The following MAP4K4 variants were observed in gnomAD, a reference collection of about 807,000 sequenced individuals.
MAP4K4 encodes the protein mitogen-activated protein kinase kinase kinase kinase 4.
In MAP4K4, 38 loss-of-function variants were observed where a neutral mutation model predicts 189.6. The ratio of observed to expected loss-of-function variants is 0.20; its 90% CI spans 0.15 to 0.26. The LOEUF (loss-of-function observed/expected upper bound fraction) is 0.26, where lower values mean the gene tolerates loss of function less well. Among genes scored for constraint, MAP4K4 ranks in the 10% least tolerant of loss-of-function variants. The probability of loss-of-function intolerance (pLI) is 1.00; values close to 1 mark genes in which losing one functional copy is unlikely to be tolerated. For synonymous variants in MAP4K4, 610 were observed against 624.3 expected, an observed-to-expected ratio of 0.98 and a Z score of 0.34; for missense variants, 1,054 against 1,726.9, an observed-to-expected ratio of 0.61 and a Z score of 6.91.
Position 101,789,297 on chromosome 2 carries a change from G to T in MAP4K4, c.124-1423G>T, listed in dbSNP as rs377045458. On this transcript the variant is annotated intron_variant, in intron 2 of 32. Transcript: ENST00000324219. ...TTGGGTTCAACAAAATCATCATTTG[G>T]TTTTAGGTTGTGTTGGCAGTCACAA... Among the ~76,000 whole-genome samples, 199 of 152,198 alleles carry T rather than the reference G, an allele frequency of 1.3e-3. 1 individual carries two copies. The highest frequency in any genetic ancestry group is 4.5e-3 in the African/African-American group (186 of 41,516).
At chr2:101,725,387 C>CAAAAAAAA (rs547130880) in intron 2 of MAP4K4, among the ~76,000 whole-genome samples, 7 of 110,954 alleles carry the variant, frequency 6.3e-5, no homozygotes, top group Non-Finnish European at 1.2e-4. Flanking sequence ...AAAAGATAAG[C>CAAAAAAAA]AAAAAAAAAA....
exon 33 of MAP4K4, chr2:101,891,179 C>G: frequency 1.2e-6 from 2 of 1,613,818 alleles, no homozygotes; most frequent in Non-Finnish European, 1.7e-6. Flanking sequence ...TTCTTTGCCT[C>G]TGTTCGGTCT....
In MAP4K4 at chr2:101,709,732, C is replaced by T. The variant is rs2044362577; in HGVS notation, c.123+11194C>T. 4.6e-5 allele frequency among the ~76,000 whole-genome samples: 7 copies of T among 151,952 alleles called. No individual in the cohort carries two copies. In the South Asian group the frequency reaches 1.2e-3, roughly 27 times the overall value. ...TTGTCTTGCCTGGATTTTGAAAAAACAAAGCAAAATATGTTATCTTTGGTC... is the reference window on the plus strand; with the variant it reads ...TTGTCTTGCCTGGATTTTGAAAAAATAAAGCAAAATATGTTATCTTTGGTC... On this transcript the variant is annotated intron_variant, in intron 2 of 32. Transcript: ENST00000324219.
At chr2:101,832,065 A>G (rs1289080102) in intron 7 of MAP4K4, among the ~76,000 whole-genome samples, 1 of 152,264 alleles carries the variant, frequency 6.6e-6, no homozygotes, top group African/African-American at 2.4e-5. Context: ...TCACTAAGGA[A>G]TACACTGGTT....
At chr2:101,803,472 T>G (rs1455383613) in intron 3 of MAP4K4, among the ~76,000 whole-genome samples, 1 of 152,236 alleles carries the variant, frequency 6.6e-6, no homozygotes, top group Non-Finnish European at 1.5e-5. Context: ...ACACTTAAAA[T>G]GGTGAAGTCT....
At chr2:101,720,328 C>T (rs1425107982) in intron 2 of MAP4K4, among the ~76,000 whole-genome samples, 1 of 151,900 alleles carries the variant, frequency 6.6e-6, no homozygotes, top group Non-Finnish European at 1.5e-5. Context: ...CGCCCGCCGC[C>T]ACACCTGGCT....
chr2:101,876,146 C>T (rs974727880), intron 26 of MAP4K4, among the ~76,000 whole-genome samples: 1 of 152,088 alleles, frequency 6.6e-6, no homozygotes, highest in African/African-American at 2.4e-5. Context: ...TAGAAGCAGC[C>T]AAGTCGCGAG....
chr2:101,713,063 C>G (rs1001552763), intron 2 of MAP4K4, among the ~76,000 whole-genome samples: 8 of 151,564 alleles, frequency 5.3e-5, no homozygotes, highest in African/African-American at 1.7e-4. Flanking sequence ...GCCACCACAC[C>G]TTGGCTAATT....
intron 2 of MAP4K4, among the ~76,000 whole-genome samples, chr2:101,744,751 T>C (rs776352041): frequency 6.6e-6 from 1 of 152,196 alleles, no homozygotes; most frequent in Non-Finnish European, 1.5e-5. Context: ...TGTTCTTTGC[T>C]GATCTGTTCA....
At chr2:101,819,822 A>G (rs1424811007) in intron 3 of MAP4K4, among the ~76,000 whole-genome samples, 1 of 152,200 alleles carries the variant, frequency 6.6e-6, no homozygotes. Flanking sequence ...AGTTTTGAAG[A>G]TGTTAAGAGT....
chr2:101,729,825 T>C (rs1405356942), intron 2 of MAP4K4, among the ~76,000 whole-genome samples: 1 of 152,220 alleles, frequency 6.6e-6, no homozygotes, highest in Admixed American at 6.5e-5. Flanking sequence ...ACAGCTCCTG[T>C]CTTCTCCATC....
intron 2 of MAP4K4, among the ~76,000 whole-genome samples, chr2:101,781,228 A>G (rs1479075998): frequency 2.0e-5 from 3 of 152,114 alleles, no homozygotes; most frequent in Admixed American, 2.0e-4. Flanking sequence ...ATGTTGTAGT[A>G]GCGACTGCAA....
intron 12 of MAP4K4, among the ~76,000 whole-genome samples, chr2:101,850,010 C>T (rs2097231065): frequency 2.0e-5 from 3 of 152,100 alleles, no homozygotes; most frequent in Admixed American, 1.3e-4. Flanking sequence ...AGTCTTTTAG[C>T]TGGTATTTAA....
intron 27 of MAP4K4, among the ~76,000 whole-genome samples, chr2:101,879,327 G>A (rs1441332222): frequency 1.6e-5 from 2 of 128,356 alleles, no homozygotes; most frequent in Admixed American, 1.7e-4. Flanking sequence ...AATCATAAAT[G>A]TAGTACATGT....
chr2:101,848,119 A>G (rs989244457), intron 12 of MAP4K4, among the ~76,000 whole-genome samples: 1 of 152,214 alleles, frequency 6.6e-6, no homozygotes, highest in Non-Finnish European at 1.5e-5. Context: ...TGTTCATACA[A>G]TGAAGAAATC....
intron 28 of MAP4K4, among the ~76,000 whole-genome samples, chr2:101,883,582 C>A (rs1382544804): frequency 6.6e-6 from 1 of 151,962 alleles, no homozygotes; most frequent in East Asian, 1.9e-4. Context: ...TGGACCTTAG[C>A]CAAATTAAAG....
intron 2 of MAP4K4, among the ~76,000 whole-genome samples, chr2:101,783,851 TC>T (rs1271029567): frequency 1.3e-5 from 2 of 152,184 alleles, no homozygotes; most frequent in Non-Finnish European, 2.9e-5. Context: ...ACTGGCGTCT[TC>T]TAGATGTGCA....
chr2:101,808,612 A>G (rs1006015998), intron 3 of MAP4K4, among the ~76,000 whole-genome samples: 4 of 145,164 alleles, frequency 2.8e-5, no homozygotes, highest in African/African-American at 1.0e-4. Flanking sequence ...CAGCTCAGTG[A>G]AGCTGCTGGA....
At chr2:101,811,089 T>A (rs559965354) in intron 3 of MAP4K4, among the ~76,000 whole-genome samples, 7 of 152,160 alleles carry the variant, frequency 4.6e-5, no homozygotes, top group African/African-American at 1.4e-4. Context: ...AATGTGAAAG[T>A]AGGGTCGGGC....
Sources: allele counts gnomAD v4.1 joint callset (sites outside exome capture counted in the v4.1 genomes callset), GRCh38; gene constraint gnomAD v4.1.1; transcripts MANE v1.5; gene names NCBI Gene and HGNC (gene_info 2026-07-23, HGNC 2026-07-21).